ITIH4: variants seen among roughly 807,000 people sequenced by gnomAD.
ITIH4 encodes inter-alpha-trypsin inhibitor heavy chain H4.
In ITIH4, 79 loss-of-function variants were observed where a neutral mutation model predicts 111.8. That is an observed-to-expected ratio of 0.71 (90% CI 0.59 to 0.85). ITIH4 has a LOEUF of 0.85. ITIH4 is among the 40% of genes least tolerant of loss of function. The pLI, the probability that ITIH4 is intolerant of heterozygous loss-of-function variation, is 0.00. For synonymous variants in ITIH4, 472 were observed against 468.3 expected (o/e 1.01, Z -0.10); for missense variants, 1,065 against 1,195.8 (o/e 0.89, Z 1.61).
Position 52,818,097 on chromosome 3 carries a change from T to C in ITIH4, c.2251A>G (p.Arg751Gly), listed in dbSNP as rs747730934. Residue 751 changes from arginine (R) to glycine (G), a missense_variant, in exon 20 of 24, where the codon AGA becomes GGA. By Grantham distance (125) the Arg-to-Gly change is moderately radical. Coordinates refer to ENST00000266041, the MANE Select transcript of ITIH4 (RefSeq NM_002218.5). ...AGGTTCACTGGCCCCTGGCGGTGTC[T>C]GGGGTCCACACAGAGCCGCTCCACA... ...QSVERLCVDPRHRQGPVNLLS... is the reference protein window; with the variant it reads ...QSVERLCVDPGHRQGPVNLLS... 1 of 1,613,704 alleles carries C rather than the reference T, an allele frequency of 6.2e-7. No individual in the cohort carries two copies. Among genetic ancestry groups the C allele is most frequent in the African/African-American group, 1.3e-5 (1 of 74,924 alleles).
chr3:52,823,982 G>T lies in ITIH4; in HGVS notation c.1194C>A (p.Ile398=). 6.3e-7 allele frequency: 1 copy of T among 1,577,688 alleles called. No individual in the cohort carries two copies. The highest frequency in any genetic ancestry group is 1.2e-5 in the South Asian group (1 of 83,448). Residue 398 remains isoleucine, a synonymous_variant, in exon 10 of 24, where the codon ATC becomes ATA. Transcript: ENST00000266041. ...TTACAGCTTCCCGCACGTTATTCTG[G>T]ATGCTCCTGGGGTTAGTCTCCCCTG... ...PTVGETNPRS[I]QNNVREAVSG...
intron 21 of ITIH4, 85 bp downstream of exon 21, chr3:52,816,799 G>A: frequency 7.5e-7 from 1 of 1,334,174 alleles, no homozygotes; most frequent in Non-Finnish European, 1.1e-6. Context: ...TCAGGTCCAT[G>A]GCCTCAGGCC....
Position 52,828,540 on chromosome 3 carries a change from G to A in ITIH4, c.251+579C>T, listed in dbSNP as rs1700519778. Reference sequence around the variant, plus strand: ...GCAGCAAGGGACAGGCGGCATCCTGGTGCATTTAGTAAACATTGGAAACTG... The same window carrying A: ...GCAGCAAGGGACAGGCGGCATCCTGATGCATTTAGTAAACATTGGAAACTG... On this transcript the variant is annotated intron_variant, in intron 2 of 23. Coordinates refer to ENST00000266041, the MANE Select transcript of ITIH4 (RefSeq NM_002218.5). 2.0e-5 allele frequency among the ~76,000 whole-genome samples: 3 copies of A among 152,204 alleles called. No homozygotes were observed. The South Asian group carries it at 6.2e-4, about 31-fold the overall frequency.
At position 52,824,719 on chromosome 3, in the gene ITIH4, C is replaced by T; in HGVS notation, c.876+123G>A. The T allele has an allele frequency of 8.0e-6, 10 of 1,242,826 alleles. No homozygotes were observed. In the South Asian group the frequency reaches 1.4e-4, roughly 18 times the overall value. 77.0% of individuals were successfully genotyped at this position (1,242,826 alleles called of 1,614,324 possible). The stretch of plus-strand genomic sequence containing the variant: ...CCCTAGGCTCTGGCCAACCTTGGTT[C>T]CTGAGAGCCACCCGCCCCATGGTGC... On this transcript the variant is annotated intron_variant, in intron 7 of 23. Coordinates refer to ENST00000266041, the MANE Select transcript of ITIH4 (RefSeq NM_002218.5). The surrounding 1 kb of genome is among the most constrained non-coding windows in gnomAD (Gnocchi z 4.3).
At chr3:52,816,545 ACT>A (rs1700279856) in intron 21 of ITIH4, among the ~76,000 whole-genome samples, 1 of 152,064 alleles carries the variant, frequency 6.6e-6, no homozygotes. Flanking sequence ...CAGCCTTCTG[ACT>A]CTGGGCCAGG....
chr3:52,827,402 C>G (rs981710762), intron 2 of ITIH4, among the ~76,000 whole-genome samples: 1 of 152,246 alleles, frequency 6.6e-6, no homozygotes, highest in Non-Finnish European at 1.5e-5. Context: ...AGGCCTCTAG[C>G]TCCCGGAGGT....
chr3:52,814,391 G>A, intron 21 of ITIH4, 28 bp from the exon 22 acceptor site: 3 of 1,608,930 alleles, frequency 1.9e-6, no homozygotes, highest in Admixed American at 1.7e-5. Context: ...GTCTTGAGCA[G>A]GAAGGTAGAG....
At position 52,830,506 on chromosome 3, in the gene ITIH4, C is replaced by T. The variant is rs201499197; in HGVS notation, c.90+47G>A. 1.1e-5 allele frequency: 17 copies of T among 1,553,250 alleles called. No homozygotes were observed. In the South Asian group the frequency reaches 1.3e-4, roughly 12 times the overall value. On this transcript the variant is annotated intron_variant, in intron 1 of 23. Transcript: ENST00000266041. Reference sequence around the variant, plus strand: ...CGGAGGCTCTTCCCCACTTCCCAGGCGTTCTCTCATCCCCCAGCTCACGCC... The same window carrying T: ...CGGAGGCTCTTCCCCACTTCCCAGGTGTTCTCTCATCCCCCAGCTCACGCC...
At chr3:52,825,546 C>G (rs1700467881) in intron 6 of ITIH4, among the ~76,000 whole-genome samples, 1 of 152,046 alleles carries the variant, frequency 6.6e-6, no homozygotes, top group African/African-American at 2.4e-5. Flanking sequence ...TGCAGTGAGC[C>G]ATGATCATAC....
chr3:52,820,757 C>G lies in ITIH4; in HGVS notation c.1708G>C (p.Ala570Pro). 6.2e-7 allele frequency: 1 copy of G among 1,613,476 alleles called. No homozygotes were observed. The highest frequency in any genetic ancestry group is 8.5e-7 in the Non-Finnish European group (1 of 1,179,714). ...AAATTCAGCGCTTGGTTCCGGAGGG[C>G]CTGCTGATCAGCATCGGATGCGGAG... ...TVSASDADQQ[A>P]LRNQALNLSL... is the part of the protein sequence containing the mutation. Residue 570 changes from alanine to proline, a missense_variant, in exon 13 of 24, where the codon GCC becomes CCC. Transcript: ENST00000266041.
chr3:52,830,145 A>G (rs144380088), intron 1 of ITIH4: 30 of 351,224 alleles, frequency 8.5e-5, no homozygotes, highest in Non-Finnish European at 1.5e-4. Context: ...GGTTTTCACA[A>G]CAAGCACTGT....
Position 52,826,616 on chromosome 3 carries a change from G to A in ITIH4, c.555C>T (p.Ser185=), listed in dbSNP as rs759218710. ...DIHIFEPQGI[S]FLETESTFMT... is the part of the protein sequence containing the mutation. ...TGAAGGTGCTCTCTGTCTCCAGAAA[G>A]CTGATGCCCTGGGGCTCGAAGATGT... Residue 185 remains serine (S), a synonymous_variant, in exon 5 of 24, where the codon AGC becomes AGT. Transcript: ENST00000266041. 3 of 1,613,994 alleles carry A rather than the reference G, an allele frequency of 1.9e-6. No individual in the cohort carries two copies. The highest frequency in any genetic ancestry group is 1.3e-5 in the African/African-American group (1 of 74,940).
In ITIH4 at chr3:52,816,905, G is replaced by A. The variant is rs1424356857; in HGVS notation, c.2450C>T (p.Thr817Met). Reference protein sequence around the residue: ...RRSSAYKWKETLFSVMPGLKM... With the variant: ...RRSSAYKWKEMLFSVMPGLKM... ...TTACCCGGGCATCACTGAGAATAGCGTCTCCTTCCACTTGTACGCAGAGCT... is the reference window on the plus strand; with the variant it reads ...TTACCCGGGCATCACTGAGAATAGCATCTCCTTCCACTTGTACGCAGAGCT... The change falls in exon 21 of 24, where the codon ACG (threonine) becomes ATG (methionine). Residue 817 changes from threonine to methionine, a missense_variant. Thr to Met is a moderately conservative substitution (Grantham distance 81). Coordinates refer to ENST00000266041, the MANE Select transcript of ITIH4 (RefSeq NM_002218.5). The A allele has an allele frequency of 8.1e-6, 13 of 1,613,718 alleles. No homozygotes were observed. The highest frequency in any genetic ancestry group is 2.2e-5 in the East Asian group (1 of 44,890).
chr3:52,823,919 G>C lies in ITIH4; in HGVS notation c.1257C>G (p.Phe419Leu). The change falls in exon 10 of 24, where the codon TTC becomes TTG. Residue 419 changes from phenylalanine to leucine, a missense_variant. By Grantham distance (22) the Phe-to-Leu change is conservative. Coordinates refer to ENST00000266041, the MANE Select transcript of ITIH4 (RefSeq NM_002218.5). Reference protein sequence around the residue: ...RYSLFCLGFGFDVSYAFLEKL... With the variant: ...RYSLFCLGFGLDVSYAFLEKL... ...TCTCCAGGAAGGCATAGCTGACGTC[G>C]AAACCGAAGCCCAGGCAGAAGAGGC... 6.2e-7 allele frequency: 1 copy of C among 1,610,734 alleles called. No homozygotes were observed.
intron 21 of ITIH4, 90 bp downstream of exon 21, chr3:52,816,794 T>C: frequency 7.9e-7 from 1 of 1,263,448 alleles, no homozygotes; most frequent in South Asian, 1.3e-5. Context: ...CATTCTCAGG[T>C]CCATGGCCTC....
chr3:52,819,733 T>A lies in ITIH4; in HGVS notation c.1951+21A>T, dbSNP rs200369459. ...CCCCCAGGGATGTCATGCCTCCCCC[T>A]GGCAGAAACCCTCAAACTACCTTGT... On this transcript the variant is annotated intron_variant, in intron 16 of 23. Coordinates refer to ENST00000266041, the MANE Select transcript of ITIH4 (RefSeq NM_002218.5). The A allele has an allele frequency of 3.1e-6, 5 of 1,613,216 alleles. No homozygotes were observed. The African/African-American group carries it at 5.3e-5, about 17-fold the overall frequency.
intron 11 of ITIH4, 52 bp downstream of exon 11, chr3:52,823,504 T>C: frequency 6.8e-7 from 1 of 1,471,562 alleles, no homozygotes; most frequent in Admixed American, 2.0e-5. Context: ...CCCCTCTGGC[T>C]GCAGAGGTGG....
At chr3:52,815,528 C>T (rs1700267394) in intron 21 of ITIH4, among the ~76,000 whole-genome samples, 1 of 152,064 alleles carries the variant, frequency 6.6e-6, no homozygotes, top group African/African-American at 2.4e-5. Flanking sequence ...AGGCATGAGC[C>T]ACCGTGCCCA....
chr3:52,820,039 G>T, intron 14 of ITIH4, 49 bp from the exon 15 acceptor site: 4 of 1,580,352 alleles, frequency 2.5e-6, no homozygotes, highest in Non-Finnish European at 3.5e-6. Context: ...ACCTTCCTGT[G>T]GCCCCACTTG....
Sources: allele counts gnomAD v4.1 joint callset (sites outside exome capture counted in the v4.1 genomes callset), GRCh38; gene constraint gnomAD v4.1.1; non-coding constraint Gnocchi (gnomAD v3.1); transcripts MANE v1.5; gene names NCBI Gene and HGNC (gene_info 2026-07-23, HGNC 2026-07-21).